Variants in ANO4 observed in about 807,000 individuals in gnomAD.
The protein encoded by ANO4 is anoctamin-4.
ANO4 carries 69 observed loss-of-function variants against 141.9 expected under a neutral mutation model. That is an observed-to-expected ratio of 0.49 (90% confidence interval 0.40 to 0.59). The LOEUF (loss-of-function observed/expected upper bound fraction) is 0.59. Ranked by LOEUF, ANO4 falls within the 20% of genes least tolerant of loss-of-function variation. The probability of loss-of-function intolerance (pLI) is 0.00; values close to 1 mark genes in which losing one functional copy is unlikely to be tolerated. For missense variants in ANO4, 894 were observed against 1,162.2 expected (o/e 0.77, Z 3.36); for synonymous variants, 350 against 394.3 (o/e 0.89, Z 1.33).
At position 101,086,080 on chromosome 12, in the gene ANO4, C is replaced by CTGTGTGTGTGTGTGTGTG. The variant is rs56891905; in HGVS notation, c.1537-552_1537-535dup. Among the ~76,000 whole-genome samples, 5 of 131,736 alleles carry CTGTGTGTGTGTGTGTGTG rather than the reference C, an allele frequency of 3.8e-5. 1 individual carries two copies. Among genetic ancestry groups the CTGTGTGTGTGTGTGTGTG allele is most frequent in the Non-Finnish European group, 6.5e-5 (4 of 61,716 alleles). The allele number at this position is 131,736 out of a possible 152,430, so 86.4% of individuals were successfully genotyped here. ...GAAGGATGAGTAGGTGTTAACTAGG[C>CTGTGTGTGTGTGTGTGTG]TGTGTGTGTGTGTGTGTGTGTGTGT... On this transcript the variant is annotated intron_variant, in intron 16 of 27. Transcript: ENST00000392977.
intron 2 of ANO4, among the ~76,000 whole-genome samples, chr12:100,910,530 T>G (rs995440135): frequency 2.6e-5 from 4 of 152,178 alleles, no homozygotes; most frequent in African/African-American, 9.6e-5. Flanking sequence ...TTCTGCTTCC[T>G]TTATGGACCA....
intron 3 of ANO4, among the ~76,000 whole-genome samples, chr12:100,761,888 CA>C (rs1235821380): frequency 6.6e-6 from 1 of 152,152 alleles, no homozygotes; most frequent in African/African-American, 2.4e-5. Context: ...AATCTCTCCC[CA>C]CCCACCTGTA....
intron 1 of ANO4, among the ~76,000 whole-genome samples, chr12:100,722,316 T>C (rs1009042337): frequency 2.0e-5 from 3 of 152,214 alleles, no homozygotes; most frequent in Non-Finnish European, 4.4e-5. Context: ...TCCTGGCTTC[T>C]TTGAATTACA....
At chr12:100,857,317 T>C (rs533619553) in intron 1 of ANO4, among the ~76,000 whole-genome samples, 88 of 152,310 alleles carry the variant, frequency 5.8e-4, no homozygotes, top group African/African-American at 1.9e-3. Flanking sequence ...AGATATTTTT[T>C]TGGATGGTAT....
chr12:101,003,509 G>C (rs2045739293), intron 8 of ANO4, among the ~76,000 whole-genome samples: 1 of 152,212 alleles, frequency 6.6e-6, no homozygotes, highest in Non-Finnish European at 1.5e-5. Context: ...GTAATGAGTA[G>C]AGATATATTT....
chr12:101,104,356 A>G lies in ANO4; in HGVS notation c.2149+4636A>G, dbSNP rs889657788. ...TCTAATATAGGCATTCAGAGCTATAATGTTCTCTATAAATACTGCTTTGGC... is the reference window on the plus strand; with the variant it reads ...TCTAATATAGGCATTCAGAGCTATAGTGTTCTCTATAAATACTGCTTTGGC... On this transcript the variant is annotated intron_variant, in intron 22 of 27. Coordinates refer to ENST00000392977, the MANE Select transcript of ANO4 (RefSeq NM_001286615.2). Among the ~76,000 whole-genome samples the G allele has an allele frequency of 1.5e-4, 22 of 151,308 alleles. 1 individual carries two copies. The highest frequency in any genetic ancestry group is 7.3e-5 in the African/African-American group (3 of 41,276).
Position 101,097,819 on chromosome 12 carries a change from T to C in ANO4, c.1909-29T>C, listed in dbSNP as rs755329676. 8.7e-6 allele frequency: 14 copies of C among 1,610,388 alleles called. No individual in the cohort carries two copies. The East Asian group carries it at 3.1e-4, about 36-fold the overall frequency. ...ACCCTTTCTTCCTCTCCATTGATTC[T>C]GGAATTTCTGTGTTTGCTTACCTTG... On this transcript the variant is annotated intron_variant, in intron 20 of 27. Transcript: ENST00000392977.
chr12:101,090,814 C>T (rs554263644), intron 17 of ANO4, among the ~76,000 whole-genome samples: 128 of 152,040 alleles, frequency 8.4e-4, no homozygotes, highest in Non-Finnish European at 1.5e-3. Context: ...CCATATGTTT[C>T]GAGCAGGTGC....
rs180677386 is a variant in ANO4 at position 100,760,673 on chromosome 12, A to G, written c.358+20568A>G. Among the ~76,000 whole-genome samples the G allele has an allele frequency of 3.0e-3, 451 of 152,302 alleles. 5 individuals are homozygous for G. Among genetic ancestry groups the G allele is most frequent in the African/African-American group, 0.01 (418 of 41,570 alleles). On this transcript the variant is annotated intron_variant, in intron 3 of 29. Coordinates refer to the ANO4 transcript ENST00000644049. ...CTAGTCTTGTAAAACGTTCAGGTAG[A>G]TATCACTTTATCACTCAGAACTTCG...
intron 1 of ANO4, among the ~76,000 whole-genome samples, chr12:100,871,890 T>G (rs2039053995): frequency 6.6e-6 from 1 of 152,224 alleles, no homozygotes; most frequent in Non-Finnish European, 1.5e-5. Context: ...CATTGAGGAT[T>G]AAACTTTCAA....
At chr12:100,797,120 A>G (rs1017002417) in intron 1 of ANO4, among the ~76,000 whole-genome samples, 113 of 139,008 alleles carry the variant, frequency 8.1e-4, no homozygotes, top group Non-Finnish European at 9.2e-4. Context: ...TTGTTTATAT[A>G]TATGTGTGTG....
At chr12:100,819,268 A>G (rs934318196) in intron 1 of ANO4, among the ~76,000 whole-genome samples, 3 of 152,024 alleles carry the variant, frequency 2.0e-5, no homozygotes, top group Admixed American at 6.6e-5. Flanking sequence ...ATATAACTGT[A>G]GAAAACCCAC....
chr12:100,832,269 G>A (rs932633304), intron 1 of ANO4, among the ~76,000 whole-genome samples: 10 of 152,054 alleles, frequency 6.6e-5, no homozygotes, highest in African/African-American at 2.2e-4. Context: ...GTACCTGAGA[G>A]GCCCTTTAAG....
chr12:100,823,821 G>T (rs1228124738), intron 1 of ANO4, among the ~76,000 whole-genome samples: 1 of 151,976 alleles, frequency 6.6e-6, no homozygotes, highest in African/African-American at 2.4e-5. Flanking sequence ...AATCTATTTG[G>T]AGAAGGAGCT....
chr12:100,829,296 TATC>T (rs2036519940), intron 1 of ANO4, among the ~76,000 whole-genome samples: 1 of 152,110 alleles, frequency 6.6e-6, no homozygotes. Flanking sequence ...TCAGTTTTCT[TATC>T]ATTAAATGAG....
chr12:101,060,979 A>G (rs2048322737), intron 14 of ANO4, among the ~76,000 whole-genome samples: 1 of 152,062 alleles, frequency 6.6e-6, no homozygotes, highest in Non-Finnish European at 1.5e-5. Flanking sequence ...TAGCGTCAAT[A>G]GTCTTGACAA....
At chr12:100,729,360 C>CAAAAAAAAAAAAAAA (rs1156522144) in intron 1 of ANO4, among the ~76,000 whole-genome samples, 6 of 22,576 alleles carry the variant, frequency 2.7e-4, no homozygotes, top group South Asian at 5.1e-3. Context: ...AACTCTGTCT[C>CAAAAAAAAAAAAAAA]AAAAAAAAAA....
intron 24 of ANO4, among the ~76,000 whole-genome samples, chr12:101,112,705 T>C (rs1391994785): frequency 6.6e-6 from 1 of 152,178 alleles, no homozygotes; most frequent in African/African-American, 2.4e-5. Flanking sequence ...ACTGAACTCA[T>C]GCAAACCTGG....
chr12:100,862,213 T>A (rs1304340667), intron 1 of ANO4, among the ~76,000 whole-genome samples: 1 of 152,218 alleles, frequency 6.6e-6, no homozygotes, highest in Admixed American at 6.5e-5. Flanking sequence ...TATAGGCATG[T>A]GCCACTGCAC....
Sources: allele counts gnomAD v4.1 joint callset (sites outside exome capture counted in the v4.1 genomes callset), GRCh38; gene constraint gnomAD v4.1.1; transcripts MANE v1.5; gene names NCBI Gene and HGNC (gene_info 2026-07-23, HGNC 2026-07-21).